GPC6: variants seen among roughly 807,000 people sequenced by gnomAD.
GPC6 encodes the protein glypican 6, also known as glypican-6.
GPC6 carries 14 observed loss-of-function variants against 55.2 expected under a neutral mutation model. That is an observed-to-expected ratio of 0.25 (90% CI 0.17 to 0.40). The LOEUF (loss-of-function observed/expected upper bound fraction) is 0.40. GPC6 is among the 10% of genes least tolerant of loss of function. The pLI, the probability that GPC6 is intolerant of heterozygous loss-of-function variation, is 1.00. For synonymous variants in GPC6, 278 were observed against 259.6 expected (o/e 1.07, Z -0.68); for missense variants, 641 against 708.5 (o/e 0.90, Z 1.08).
intron 1 of GPC6, among the ~76,000 whole-genome samples, chr13:93,520,426 A>G (rs759150194): frequency 6.6e-6 from 1 of 151,934 alleles, no homozygotes; most frequent in Non-Finnish European, 1.5e-5. Context: ...AAAAAAATGC[A>G]TTAATGTTTT....
intron 2 of GPC6, among the ~76,000 whole-genome samples, chr13:93,682,685 A>C (rs1295754174): frequency 6.6e-6 from 1 of 152,092 alleles, no homozygotes; most frequent in South Asian, 2.1e-4. Context: ...TTTCTTTGAA[A>C]AAAAATATAT....
At chr13:94,186,680 GC>G (rs1889199359) in intron 4 of GPC6, among the ~76,000 whole-genome samples, 1 of 152,132 alleles carries the variant, frequency 6.6e-6, no homozygotes, top group Admixed American at 6.5e-5. Flanking sequence ...TGACGAGTTG[GC>G]TATATTTATG....
intron 1 of GPC6, among the ~76,000 whole-genome samples, chr13:93,416,870 A>G (rs925298636): frequency 5.3e-5 from 8 of 152,096 alleles, no homozygotes; most frequent in Non-Finnish European, 1.0e-4. Context: ...CTTGACAGCT[A>G]ATAAACAGCA....
At chr13:93,387,059 T>G (rs77192322) in intron 1 of GPC6, among the ~76,000 whole-genome samples, 1,990 of 152,230 alleles carry the variant, frequency 0.013, 39 homozygotes, top group African/African-American at 0.045. Flanking sequence ...TATCCTGTGG[T>G]TTCAGGTGGA....
chr13:93,473,990 G>A (rs1371730928), intron 1 of GPC6, among the ~76,000 whole-genome samples: 2 of 152,156 alleles, frequency 1.3e-5, no homozygotes, highest in African/African-American at 2.4e-5. Context: ...AGTTCCCCCT[G>A]CTGCCATCAC....
intron 1 of GPC6, among the ~76,000 whole-genome samples, chr13:93,490,142 A>G (rs1002479790): frequency 6.6e-6 from 1 of 151,464 alleles, no homozygotes; most frequent in Non-Finnish European, 1.5e-5. Flanking sequence ...GATATGTCCC[A>G]TCAATACCTA....
At chr13:94,238,034 A>G (rs1485070593) in intron 4 of GPC6, among the ~76,000 whole-genome samples, 1 of 152,150 alleles carries the variant, frequency 6.6e-6, no homozygotes, top group Non-Finnish European at 1.5e-5. Flanking sequence ...GAACTGGAAG[A>G]TGGATTTCCT....
intron 2 of GPC6, among the ~76,000 whole-genome samples, chr13:93,643,188 A>T (rs1298147811): frequency 1.3e-5 from 2 of 152,056 alleles, no homozygotes; most frequent in Non-Finnish European, 2.9e-5. Context: ...ACTTATTTTT[A>T]TTCATTCATG....
chr13:93,826,927 T>C (rs746399767), intron 2 of GPC6, among the ~76,000 whole-genome samples: 1 of 152,184 alleles, frequency 6.6e-6, no homozygotes, highest in Non-Finnish European at 1.5e-5. Flanking sequence ...TGAGACAATC[T>C]GCCCTGAAGC....
At chr13:94,249,944 G>A (rs115334696) in intron 4 of GPC6, among the ~76,000 whole-genome samples, 4,383 of 152,158 alleles carry the variant, frequency 0.029, 213 homozygotes, top group African/African-American at 0.092. Flanking sequence ...TCTGCCATGC[G>A]GACAGGAAAT....
intron 2 of GPC6, among the ~76,000 whole-genome samples, chr13:93,750,563 A>G (rs1884543421): frequency 6.6e-6 from 1 of 152,214 alleles, no homozygotes; most frequent in Admixed American, 6.5e-5. Flanking sequence ...AGATAGAGAT[A>G]GATTCAGTGT....
intron 1 of GPC6, among the ~76,000 whole-genome samples, chr13:93,504,197 G>T (rs1880621899): frequency 6.6e-6 from 1 of 152,108 alleles, no homozygotes; most frequent in South Asian, 2.1e-4. Flanking sequence ...TAAAATTAAA[G>T]ATGTGGAATG....
chr13:93,656,605 C>A (rs928008170), intron 2 of GPC6, among the ~76,000 whole-genome samples: 1 of 152,106 alleles, frequency 6.6e-6, no homozygotes, highest in African/African-American at 2.4e-5. Context: ...CTTTACAAAT[C>A]ACATTGACTT....
At chr13:94,258,954 A>G (rs893621907) in intron 4 of GPC6, among the ~76,000 whole-genome samples, 1 of 152,020 alleles carries the variant, frequency 6.6e-6, no homozygotes, top group Admixed American at 6.6e-5. Context: ...CTTTCCTAGA[A>G]GCCCCTACCA....
chr13:94,315,307 A>G (rs971587303), intron 6 of GPC6, among the ~76,000 whole-genome samples: 9 of 152,224 alleles, frequency 5.9e-5, no homozygotes, highest in African/African-American at 2.2e-4. Flanking sequence ...ACAGTCCCCA[A>G]AATGGCCCAC....
At chr13:94,094,387 T>G (rs1885595199) in intron 4 of GPC6, among the ~76,000 whole-genome samples, 1 of 152,148 alleles carries the variant, frequency 6.6e-6, no homozygotes, top group Non-Finnish European at 1.5e-5. Context: ...CTGGCACCTC[T>G]TGCTTCTCCT....
intron 1 of GPC6, among the ~76,000 whole-genome samples, chr13:93,336,230 A>G (rs1256817059): frequency 6.6e-6 from 1 of 152,218 alleles, no homozygotes; most frequent in African/African-American, 2.4e-5. Context: ...AGCGTTGTGT[A>G]AAATGTGTGG....
intron 2 of GPC6, among the ~76,000 whole-genome samples, chr13:93,776,075 TG>T (rs951252731): frequency 6.0e-5 from 2 of 33,590 alleles, no homozygotes; most frequent in Non-Finnish European, 1.1e-4. Flanking sequence ...TTTTGGGGGG[TG>T]GGGGGGTGGT....
At chr13:93,854,345 ATAG>A (rs1888524245) in intron 3 of GPC6, among the ~76,000 whole-genome samples, 1 of 151,646 alleles carries the variant, frequency 6.6e-6, no homozygotes, top group South Asian at 2.1e-4. Context: ...TTTTTTCACG[ATAG>A]TAGTATTTGA....
Sources: gnomAD v4.1 joint callset for allele counts (sites outside exome capture counted in the v4.1 genomes callset) on GRCh38, gnomAD v4.1.1 for gene constraint, MANE v1.5 for transcripts, NCBI Gene and HGNC (gene_info 2026-07-23, HGNC 2026-07-21) for gene names.